NPTN: variants seen among roughly 807,000 people sequenced by gnomAD.
NPTN encodes SDR-1.
A neutral mutation model predicts 42.7 loss-of-function variants in NPTN; 5 were observed. The ratio of observed to expected loss-of-function variants is 0.12; its 90% CI spans 0.06 to 0.25. The LOEUF (loss-of-function observed/expected upper bound fraction) is 0.25, where lower values mean the gene tolerates loss of function less well. Ranked by LOEUF, NPTN falls within the 10% of genes least tolerant of loss-of-function variation. The pLI, the probability that NPTN is intolerant of heterozygous loss-of-function variation, is 1.00. For missense variants in NPTN, 307 were observed against 525.4 expected, an observed-to-expected ratio of 0.58 and a Z score of 4.06; for synonymous variants, 180 against 201.9, an observed-to-expected ratio of 0.89 and a Z score of 0.92.
intron 2 of NPTN, among the ~76,000 whole-genome samples, chr15:73,593,016 A>G (rs901693211): frequency 6.6e-6 from 1 of 152,158 alleles, no homozygotes; most frequent in Non-Finnish European, 1.5e-5. Flanking sequence ...TGAATTCTCT[A>G]TCCTTGCCCC....
intron 1 of NPTN, among the ~76,000 whole-genome samples, chr15:73,613,225 T>C (rs1301254357): frequency 6.6e-6 from 1 of 152,200 alleles, no homozygotes; most frequent in East Asian, 1.9e-4. Context: ...ATCCCTTTGA[T>C]TGTTAAATAT....
In NPTN at chr15:73,563,265, G is replaced by A. The variant is rs1307859218; in HGVS notation, c.1115-8C>T. ...GTCCAGCTGGTTCATCATCTACATG[G>A]TGTTCAGTTTTTTAAAAATCCATGA... On this transcript the variant is annotated splice_region_variant and splice_polypyrimidine_tract_variant and intron_variant, in intron 6 of 8. Coordinates refer to ENST00000345330, the MANE Select transcript of NPTN (RefSeq NM_012428.4). The A allele has an allele frequency of 2.5e-6, 4 of 1,611,658 alleles. No homozygotes were observed. The highest frequency in any genetic ancestry group is 1.7e-5 in the Admixed American group (1 of 59,992).
At chr15:73,584,899 T>C (rs1896242419) in intron 4 of NPTN, among the ~76,000 whole-genome samples, 1 of 152,220 alleles carries the variant, frequency 6.6e-6, no homozygotes, top group Middle Eastern at 3.4e-3. Context: ...TTAAAAAACA[T>C]GATCATCTTG....
chr15:73,608,248 C>A (rs1220744134), intron 1 of NPTN, among the ~76,000 whole-genome samples: 5 of 152,198 alleles, frequency 3.3e-5, no homozygotes, highest in Admixed American at 2.6e-4. Context: ...CAGATTTCAA[C>A]CTTGCAAGAC....
chr15:73,561,421 G>A lies in NPTN; in HGVS notation c.*15-373C>T, dbSNP rs2141343966. ...TGGCGGGGCACACTGGCTCATGCCT[G>A]TAATCCCAGCACTTCTGGGAGGCTG... On this transcript the variant is annotated intron_variant, in intron 8 of 8. Coordinates refer to ENST00000345330, the MANE Select transcript of NPTN (RefSeq NM_012428.4). 2.0e-5 allele frequency among the ~76,000 whole-genome samples: 3 copies of A among 152,320 alleles called. No homozygotes were observed. The Middle Eastern group carries it at 0.01, about 522-fold the overall frequency.
At position 73,570,793 on chromosome 15, in the gene NPTN, T is replaced by G. The variant is rs1010403513; in HGVS notation, c.841-370A>C. Among the ~76,000 whole-genome samples, 2 of 152,178 alleles carry G rather than the reference T, an allele frequency of 1.3e-5. No homozygotes were observed. The highest frequency in any genetic ancestry group is 2.9e-5 in the Non-Finnish European group (2 of 68,042). On this transcript the variant is annotated intron_variant, in intron 5 of 8. Transcript: ENST00000345330. This position sits in a 1 kb window ranked among gnomAD's most constrained non-coding sequence, Gnocchi z 4.0. ...TACAACCCCTACAGTCAGGCATGCC[T>G]CGGGGACCTCAGGCCTCTCTGATGA...
chr15:73,610,109 AG>A (rs773551604), intron 1 of NPTN, among the ~76,000 whole-genome samples: 5 of 151,140 alleles, frequency 3.3e-5, no homozygotes, highest in Non-Finnish European at 7.4e-5. Context: ...TTTTAGAGAC[AG>A]GGTCTCGCTC....
intron 1 of NPTN, among the ~76,000 whole-genome samples, chr15:73,607,778 G>C (rs1489843786): frequency 6.6e-6 from 1 of 152,208 alleles, no homozygotes; most frequent in Non-Finnish European, 1.5e-5. Context: ...TTCTAAAGCA[G>C]TAATTCTTAA....
intron 5 of NPTN, among the ~76,000 whole-genome samples, chr15:73,572,547 G>C (rs150345312): frequency 6.6e-6 from 1 of 151,550 alleles, no homozygotes; most frequent in African/African-American, 2.4e-5. Flanking sequence ...AGGTTGCCCC[G>C]ATTCCTTATC....
At chr15:73,567,063 G>A in intron 6 of NPTN, 1 of 881,978 alleles carries the variant, frequency 1.1e-6, no homozygotes, top group Non-Finnish European at 1.3e-6. Context: ...CATTTTCAAT[G>A]TGAGAAATCT....
rs1004220269 is a variant in NPTN at position 73,592,015 on chromosome 15, C to T, written c.562G>A (p.Gly188Arg). The change falls in exon 3 of 9, where the codon GGG (glycine) becomes AGG (arginine). Residue 188 changes from glycine (G) to arginine (R), a missense_variant. Around this residue, in one of 2 missense-constraint regions of NPTN, gnomAD observed 264 missense variants for 491.1 expected, o/e 0.54. Coordinates refer to ENST00000345330, the MANE Select transcript of NPTN (RefSeq NM_012428.4). ...TTACGAGTGGCACTCAGTTCCACCC[C>T]ATTCTTTGTCCAGTAGCTGTATGTA... Reference protein sequence around the residue: ...TLTYSYWTKNGVELSATRKNA... With the variant: ...TLTYSYWTKNRVELSATRKNA... 1 of 1,614,090 alleles carries T rather than the reference C, an allele frequency of 6.2e-7. No homozygotes were observed. Among genetic ancestry groups the T allele is most frequent in the Non-Finnish European group, 8.5e-7 (1 of 1,179,968 alleles).
At chr15:73,563,347 G>A (rs1894802896) in intron 6 of NPTN, 90 bp from the exon 7 acceptor site, 1 of 1,571,734 alleles carries the variant, frequency 6.4e-7, no homozygotes, top group East Asian at 2.3e-5. Context: ...TAACAGAATA[G>A]CAAACTGCAA....
At chr15:73,599,902 T>C (rs1405388177) in intron 1 of NPTN, among the ~76,000 whole-genome samples, 1 of 152,236 alleles carries the variant, frequency 6.6e-6, no homozygotes, top group African/African-American at 2.4e-5. Context: ...TGGATTTCTT[T>C]TGTACTTTTT....
At chr15:73,619,702 A>G (rs1174485879) in intron 1 of NPTN, among the ~76,000 whole-genome samples, 1 of 152,242 alleles carries the variant, frequency 6.6e-6, no homozygotes, top group Non-Finnish European at 1.5e-5. Context: ...GTTAACCAAA[A>G]AAGTTCATTG....
intron 1 of NPTN, among the ~76,000 whole-genome samples, chr15:73,629,054 C>T (rs1898587679): frequency 6.6e-6 from 1 of 152,172 alleles, no homozygotes; most frequent in South Asian, 2.1e-4. Flanking sequence ...CGTCTGGCAA[C>T]ACAAAAACCC....
chr15:73,571,110 AT>A (rs1895356380), intron 5 of NPTN, among the ~76,000 whole-genome samples: 1 of 152,028 alleles, frequency 6.6e-6, no homozygotes, highest in African/African-American at 2.4e-5. Context: ...CTGAGACCCC[AT>A]CTCTACAAAA....
At chr15:73,581,296 C>G (rs1385937969) in intron 4 of NPTN, among the ~76,000 whole-genome samples, 1 of 152,168 alleles carries the variant, frequency 6.6e-6, no homozygotes, top group Non-Finnish European at 1.5e-5. Context: ...AAAAGCAGGT[C>G]TGAGCGTCTA....
intron 1 of NPTN, among the ~76,000 whole-genome samples, chr15:73,627,013 T>A (rs1898452539): frequency 6.6e-6 from 1 of 152,154 alleles, no homozygotes; most frequent in South Asian, 2.1e-4. Context: ...GGTGGGCAGA[T>A]CACCTAAGGT....
Position 73,611,554 on chromosome 15 carries a change from T to C in NPTN, c.92-14185A>G, listed in dbSNP as rs140873786. 7.9e-5 allele frequency among the ~76,000 whole-genome samples: 12 copies of C among 152,006 alleles called. No homozygotes were observed. In the East Asian group the frequency reaches 2.3e-3, roughly 29 times the overall value. On this transcript the variant is annotated intron_variant, in intron 1 of 8. Transcript: ENST00000345330. ...TGACATTCTGAAAAAGGCAAAACTA[T>C]AGAGACAATAAAAAGATCAGTGGTC...
Sources: gnomAD v4.1 joint callset for allele counts (sites outside exome capture counted in the v4.1 genomes callset) on GRCh38, gnomAD v4.1.1 for gene constraint, gnomAD v4.1.1 regional missense constraint, Gnocchi (gnomAD v3.1) non-coding constraint, MANE v1.5 for transcripts, NCBI Gene and HGNC (gene_info 2026-07-23, HGNC 2026-07-21) for gene names.